BAZ2B: variants seen among roughly 807,000 people sequenced by gnomAD.
BAZ2B encodes bromodomain adjacent to zinc finger domain protein 2B.
In BAZ2B, 91 loss-of-function variants were observed where a neutral mutation model predicts 246.0. The observed-to-expected ratio is 0.37, with a 90% CI of 0.31 to 0.44. The LOEUF is 0.44. Ranked by LOEUF, BAZ2B falls within the 20% of genes least tolerant of loss-of-function variation. BAZ2B has a pLI of 1.00. For synonymous variants in BAZ2B, 855 were observed against 860.0 expected, an observed-to-expected ratio of 0.99 and a Z score of 0.10; for missense variants, 2,332 against 2,533.7, an observed-to-expected ratio of 0.92 and a Z score of 1.71.
At chr2:159,361,991 G>T (rs1333813546) in intron 27 of BAZ2B, among the ~76,000 whole-genome samples, 1 of 152,110 alleles carries the variant, frequency 6.6e-6, no homozygotes, top group Admixed American at 6.6e-5. Flanking sequence ...AGCATTAGGA[G>T]AAATACCTAA....
intron 1 of BAZ2B, among the ~76,000 whole-genome samples, chr2:159,580,284 C>CAGAG (rs1686425222): frequency 1.3e-5 from 2 of 150,754 alleles, no homozygotes; most frequent in Admixed American, 6.6e-5. Flanking sequence ...AATAGAGAAA[C>CAGAG]AGCCAAATCA....
intron 2 of BAZ2B, among the ~76,000 whole-genome samples, chr2:159,530,899 G>C (rs2085311162): frequency 6.6e-6 from 1 of 152,100 alleles, no homozygotes; most frequent in Non-Finnish European, 1.5e-5. Flanking sequence ...GAACCCAGGA[G>C]GCAAAGGCTG....
chr2:159,334,888 T>G (rs1307150593), intron 33 of BAZ2B, among the ~76,000 whole-genome samples: 1 of 152,206 alleles, frequency 6.6e-6, no homozygotes, highest in African/African-American at 2.4e-5. Context: ...CATTTTGATC[T>G]AGGACTTAAT....
At chr2:159,389,273 C>T in intron 21 of BAZ2B, 72 bp downstream of exon 21, 1 of 1,398,604 alleles carries the variant, frequency 7.1e-7, no homozygotes. Context: ...GCAGCTCTGG[C>T]AAAGAAATCA....
intron 2 of BAZ2B, among the ~76,000 whole-genome samples, chr2:159,549,017 C>G (rs928694531): frequency 6.6e-6 from 1 of 152,102 alleles, no homozygotes; most frequent in Non-Finnish European, 1.5e-5. Context: ...CGGTGGCTCA[C>G]GCCTGTAATC....
At chr2:159,698,529 C>CA in the BAZ2B span, among the ~76,000 whole-genome samples, 284 of 122,306 alleles carry the variant, frequency 2.3e-3, 1 homozygote, top group Middle Eastern at 0.028. Flanking sequence ...AAAAAAAAAA[C>CA]AAAAAAAACA....
chr2:159,455,770 T>G lies in BAZ2B; in HGVS notation c.146-1969A>C, dbSNP rs59000265. ...GTTACCAGAAATATTGTGGTTTTTTTTTTTTTTTTTTTTTTTTTGGCAAAT... is the reference window on the plus strand; with the variant it reads ...GTTACCAGAAATATTGTGGTTTTTTGTTTTTTTTTTTTTTTTTTGGCAAAT... On this transcript the variant is annotated intron_variant, in intron 3 of 36. Coordinates refer to ENST00000392783, the MANE Select transcript of BAZ2B (RefSeq NM_013450.4). 3.6e-3 allele frequency among the ~76,000 whole-genome samples: 496 copies of G among 138,170 alleles called. 3 individuals carry two copies. The highest frequency in any genetic ancestry group is 0.014 in the African/African-American group (477 of 34,306). 90.6% of individuals were successfully genotyped at this position (138,170 alleles called of 152,430 possible).
At chr2:159,409,953 C>T (rs190792529) in intron 14 of BAZ2B, among the ~76,000 whole-genome samples, 3 of 152,162 alleles carry the variant, frequency 2.0e-5, no homozygotes, top group East Asian at 3.9e-4. Flanking sequence ...AATAAACATT[C>T]GGTAAAAGTT....
At chr2:159,468,838 T>C (rs919852831) in intron 3 of BAZ2B, among the ~76,000 whole-genome samples, 3 of 150,686 alleles carry the variant, frequency 2.0e-5, no homozygotes, top group African/African-American at 7.3e-5. Flanking sequence ...AGTTCAGGAG[T>C]TCAAGACCAG....
At chr2:159,339,414 C>T (rs2148999915) in intron 31 of BAZ2B, among the ~76,000 whole-genome samples, 1 of 152,272 alleles carries the variant, frequency 6.6e-6, no homozygotes, top group East Asian at 1.9e-4. Flanking sequence ...AGGAACCAAG[C>T]ACACAGAAAA....
Position 159,324,836 on chromosome 2 carries a change from T to C in BAZ2B, c.6328A>G (p.Ile2110Val). 3 of 1,509,060 alleles carry C rather than the reference T, an allele frequency of 2.0e-6. No homozygotes were observed. The highest frequency in any genetic ancestry group is 1.8e-6 in the Non-Finnish European group (2 of 1,135,966). The allele number at this position is 1,509,060 out of a possible 1,614,324, so 93.5% of individuals were successfully genotyped here. A position where few individuals can be genotyped will look rare whatever the true frequency, so the allele number is the denominator to read the frequency against. ...VIKKPMDFST[I>V]REKLSSGQYP... Reference sequence around the variant, plus strand: ...TGTCCACTACTTAGTTTCTCTCTAATTGTGGAAAAATCCATAGGCTTCTTA... The same window carrying C: ...TGTCCACTACTTAGTTTCTCTCTAACTGTGGAAAAATCCATAGGCTTCTTA... Residue 2110 changes from isoleucine (I) to valine (V), a missense_variant, in exon 36 of 37, where the codon ATT (isoleucine) becomes GTT (valine). By Grantham distance (29) the Ile-to-Val change is conservative. Around this residue, in one of 9 missense-constraint regions of BAZ2B, gnomAD observed 210 missense variants for 232.5 expected, o/e 0.90. Transcript: ENST00000392783.
intron 3 of BAZ2B, among the ~76,000 whole-genome samples, chr2:159,465,751 G>C (rs1348606740): frequency 2.0e-5 from 3 of 151,966 alleles, no homozygotes; most frequent in Admixed American, 6.6e-5. Context: ...GTGAAACCCT[G>C]TCTCTACCAA....
chr2:159,462,603 CAGTT>C (rs777254023), intron 3 of BAZ2B: 153 of 882,456 alleles, frequency 1.7e-4, no homozygotes, highest in Middle Eastern at 4.6e-4. Context: ...TCATTCGAAA[CAGTT>C]AGCGAATCCT....
At chr2:159,591,822 G>C (rs1353493084) in intron 1 of BAZ2B, among the ~76,000 whole-genome samples, 2 of 152,264 alleles carry the variant, frequency 1.3e-5, no homozygotes, top group African/African-American at 4.8e-5. Flanking sequence ...ATCACATTTT[G>C]TGATCCTAGT....
the BAZ2B span, among the ~76,000 whole-genome samples, chr2:159,668,588 T>C: frequency 6.6e-6 from 1 of 152,218 alleles, no homozygotes. Flanking sequence ...ATGTTTATTT[T>C]GTTTTTCTTT....
intron 2 of BAZ2B, among the ~76,000 whole-genome samples, chr2:159,514,010 A>AACTTT (rs1327393374): frequency 6.6e-6 from 1 of 152,146 alleles, no homozygotes; most frequent in East Asian, 1.9e-4. Flanking sequence ...TTCCAAAGGT[A>AACTTT]TCCACATAGC....
At chr2:159,481,426 A>G (rs1473717100) in intron 2 of BAZ2B, among the ~76,000 whole-genome samples, 3 of 150,804 alleles carry the variant, frequency 2.0e-5, no homozygotes, top group Non-Finnish European at 4.4e-5. Context: ...ATAATAAAAA[A>G]TATATATATA....
rs748226163 is a variant in BAZ2B at position 159,320,444 on chromosome 2, T to C, written c.6354-26A>G. The C allele has an allele frequency of 2.1e-5, 32 of 1,526,374 alleles. No individual in the cohort carries two copies. In the Admixed American group the frequency reaches 6.2e-4, roughly 29 times the overall value. The allele number at this position is 1,526,374 out of a possible 1,614,324, so 94.6% of individuals were successfully genotyped here. ...CTGAAAGAAAACAAATAATTAGAGA[T>C]TGCGTTCATAGAGTGGATTTGTTTT... On this transcript the variant is annotated intron_variant, in intron 36 of 36. Transcript: ENST00000392783.
intron 2 of BAZ2B, among the ~76,000 whole-genome samples, chr2:159,512,037 G>A (rs2082977814): frequency 6.6e-6 from 1 of 152,074 alleles, no homozygotes; most frequent in Non-Finnish European, 1.5e-5. Context: ...TTGGTGTAAA[G>A]TCATGTATTT....
Sources: gnomAD v4.1 joint callset for allele counts (sites outside exome capture counted in the v4.1 genomes callset) on GRCh38, gnomAD v4.1.1 for gene constraint, gnomAD v4.1.1 regional missense constraint, MANE v1.5 for transcripts, NCBI Gene and HGNC (gene_info 2026-07-23, HGNC 2026-07-21) for gene names.